ATP6V0A4: variants seen among roughly 807,000 people sequenced by gnomAD.
The protein encoded by ATP6V0A4 is ATPase H+ transporting V0 subunit a4, also known as V-type proton ATPase 116 kDa subunit a 4.
In ATP6V0A4, 86 loss-of-function variants were observed where a neutral mutation model predicts 107.3. The observed-to-expected ratio is 0.80, with a 90% CI of 0.67 to 0.96. The LOEUF (loss-of-function observed/expected upper bound fraction) is 0.96. Ranked by LOEUF, ATP6V0A4 falls within the 40% of genes least tolerant of loss-of-function variation. The pLI, the probability that ATP6V0A4 is intolerant of heterozygous loss-of-function variation, is 0.00. For synonymous variants in ATP6V0A4, 353 were observed against 381.4 expected (o/e 0.93, Z 0.87); for missense variants, 908 against 1,045.6 (o/e 0.87, Z 1.81).
chr7:138,717,909 G>GGAAA (rs1804132875), intron 19 of ATP6V0A4, among the ~76,000 whole-genome samples: 1 of 70,934 alleles, frequency 1.4e-5, no homozygotes. Context: ...CTCTGTCTCG[G>GGAAA]AAAAAAAAAA....
Position 138,709,640 on chromosome 7 carries a change from C to T in ATP6V0A4, c.2413G>A (p.Ala805Thr), listed in dbSNP as rs369999617. 2.0e-5 allele frequency: 33 copies of T among 1,612,552 alleles called. No homozygotes were observed. The highest frequency in any genetic ancestry group is 5.3e-5 in the African/African-American group (4 of 74,804). ...IMEGLSAFLH[A>T]LRLHWVEFQN... ...CATCCTTACCAGTGCAGTCGCAGGGCGTGCAGGAAAGCAGAGAGGCCCTCC... is the reference window on the plus strand; with the variant it reads ...CATCCTTACCAGTGCAGTCGCAGGGTGTGCAGGAAAGCAGAGAGGCCCTCC... The change falls in exon 21 of 22, where the codon GCC (alanine) becomes ACC (threonine). Residue 805 changes from alanine (A) to threonine (T), a missense_variant. By Grantham distance (58) the Ala-to-Thr change is moderately conservative (BLOSUM62 0). Transcript: ENST00000310018.
Position 138,709,746 on chromosome 7 carries a change from C to T in ATP6V0A4, c.2307G>A (p.Thr769=), listed in dbSNP as rs61747677. 5,820 of 1,614,032 alleles carry T rather than the reference C, an allele frequency of 3.6e-3. 113 individuals carry two copies. The highest frequency in any genetic ancestry group is 0.035 in the African/African-American group (2,594 of 75,018). ...CCCCGACGATTCCTCCCCAGCCTCGCGTCTGAAGGCCGCTGTTCATCACCA... is the reference window on the plus strand; with the variant it reads ...CCCCGACGATTCCTCCCCAGCCTCGTGTCTGAAGGCCGCTGTTCATCACCA... ...WTMVMNSGLQ[T]RGWGGIVGVF... Residue 769 remains threonine (T), a synonymous_variant, in exon 21 of 22, where the codon ACG becomes ACA. Coordinates refer to ENST00000310018, the MANE Select transcript of ATP6V0A4 (RefSeq NM_020632.3).
chr7:138,768,052 G>A (rs1320386412), intron 5 of ATP6V0A4, among the ~76,000 whole-genome samples: 1 of 152,160 alleles, frequency 6.6e-6, no homozygotes, highest in Non-Finnish European at 1.5e-5. Flanking sequence ...TCGTGCCTCA[G>A]CCTCCCAAGT....
At chr7:138,763,144 G>C in intron 5 of ATP6V0A4, 119 bp from the exon 6 acceptor site, 1 of 1,450,880 alleles carries the variant, frequency 6.9e-7, no homozygotes, top group East Asian at 2.5e-5. Context: ...CATGATTGCA[G>C]ACCCTAATAC....
At chr7:138,736,110 A>AT (rs1364420802) in intron 15 of ATP6V0A4, among the ~76,000 whole-genome samples, 4 of 151,656 alleles carry the variant, frequency 2.6e-5, no homozygotes, top group African/African-American at 9.7e-5. Context: ...CCAGCATGGC[A>AT]TGGCACGTGC....
At position 138,759,772 on chromosome 7, in the gene ATP6V0A4, G is replaced by A. The variant is rs747161565; in HGVS notation, c.619C>T (p.Pro207Ser). The change falls in exon 8 of 22, where the codon CCT becomes TCT. Residue 207 changes from proline (P) to serine (S), a missense_variant. Physicochemically the swap from Pro to Ser is moderately conservative, Grantham distance 74 (BLOSUM62 -1). Coordinates refer to ENST00000310018, the MANE Select transcript of ATP6V0A4 (RefSeq NM_020632.3). ...VYLKFSEMDA[P>S]LEDPVTKEEI... is the part of the protein sequence containing the mutation. ...CCCACCGTCACAGGATCCTCCAGAG[G>A]GGCGTCCATCTCACTGAACTTCAAG... 10 of 1,614,002 alleles carry A rather than the reference G, an allele frequency of 6.2e-6. No individual in the cohort carries two copies. The African/African-American group carries it at 1.3e-4, about 22-fold the overall frequency.
In ATP6V0A4 at chr7:138,746,018, A is replaced by AATATATATTATAAATAT. The variant is rs1158653800; in HGVS notation, c.1321-739_1321-738insATATTTATAATATATAT. Among the ~76,000 whole-genome samples, 66 of 139,346 alleles carry AATATATATTATAAATAT rather than the reference A, an allele frequency of 4.7e-4. 1 individual carries two copies. Among genetic ancestry groups the AATATATATTATAAATAT allele is most frequent in the Middle Eastern group, 7.2e-3 (2 of 276 alleles). The allele number at this position is 139,346 out of a possible 152,430, so 91.4% of individuals were successfully genotyped here. On this transcript the variant is annotated intron_variant, in intron 13 of 21. Transcript: ENST00000310018. ...AAATATAAATAATATATATATTTAT[A>AATATATATTATAAATAT]ACATAATATATATTTATAATATATA...
At chr7:138,714,941 C>A (rs1202440410) in intron 20 of ATP6V0A4, among the ~76,000 whole-genome samples, 1 of 152,162 alleles carries the variant, frequency 6.6e-6, no homozygotes, top group Non-Finnish European at 1.5e-5. Context: ...TGGATATGCC[C>A]AATGTCATCA....
intron 1 of ATP6V0A4, among the ~76,000 whole-genome samples, chr7:138,796,788 C>T (rs755033171): frequency 2.0e-5 from 3 of 152,136 alleles, no homozygotes; most frequent in Non-Finnish European, 4.4e-5. Context: ...GTTTGGTTCC[C>T]TGCTGCACTG....
chr7:138,734,870 GCTC>G (rs1398487638), intron 15 of ATP6V0A4, among the ~76,000 whole-genome samples: 2 of 151,360 alleles, frequency 1.3e-5, no homozygotes, highest in African/African-American at 4.9e-5. Flanking sequence ...ATGGCCTATA[GCTC>G]ATTGGCCCAT....
chr7:138,715,606 C>G (rs553897825), intron 20 of ATP6V0A4, among the ~76,000 whole-genome samples, 158 bp downstream of exon 20: 1 of 152,286 alleles, frequency 6.6e-6, no homozygotes, highest in African/African-American at 2.4e-5. Context: ...GCAGCCAGAC[C>G]CACAGAAAAG....
chr7:138,749,117 C>T, intron 12 of ATP6V0A4, 50 bp downstream of exon 12: 1 of 1,609,954 alleles, frequency 6.2e-7, no homozygotes. Context: ...GTCCATCTTA[C>T]CAGTTTTCAC....
Position 138,739,594 on chromosome 7 carries a change from G to A in ATP6V0A4, c.1518C>T (p.Asp506=). Residue 506 remains aspartate (D), a synonymous_variant, in exon 15 of 22, where the codon GAC becomes GAT. Coordinates refer to ENST00000310018, the MANE Select transcript of ATP6V0A4 (RefSeq NM_020632.3). ...VMEESLYLQL[D]PAIPGVYFGN... is the part of the protein sequence containing the mutation. Reference sequence around the variant, plus strand: ...CAAAATACACTCCTGGTATGGCTGGGTCCAGCTGCAGATATAGACTTTCCT... The same window carrying A: ...CAAAATACACTCCTGGTATGGCTGGATCCAGCTGCAGATATAGACTTTCCT... 6.2e-7 allele frequency: 1 copy of A among 1,614,150 alleles called. No individual in the cohort carries two copies. The highest frequency in any genetic ancestry group is 1.1e-5 in the South Asian group (1 of 91,078).
chr7:138,725,318 A>T (rs544000935), intron 18 of ATP6V0A4, among the ~76,000 whole-genome samples: 14 of 152,302 alleles, frequency 9.2e-5, no homozygotes, highest in Admixed American at 6.5e-4. Context: ...AAAGATATAT[A>T]CAAGGATGTT....
At chr7:138,794,679 A>G (rs939322647) in intron 1 of ATP6V0A4, among the ~76,000 whole-genome samples, 11 of 152,064 alleles carry the variant, frequency 7.2e-5, no homozygotes, top group African/African-American at 2.4e-4. Context: ...AAAAGTCTTG[A>G]GAAAGTCTAG....
chr7:138,714,579 CAGA>C lies in ATP6V0A4; in HGVS notation c.2257+1182_2257+1184del, dbSNP rs1414315544. On this transcript the variant is annotated intron_variant, in intron 20 of 21. Coordinates refer to ENST00000310018, the MANE Select transcript of ATP6V0A4 (RefSeq NM_020632.3). Reference sequence around the variant, plus strand: ...ATAGATAGACAGACAGACAGACAGACAGACAGGCAGATGATAGATAGATAGATA... The same window carrying C: ...ATAGATAGACAGACAGACAGACAGACCAGGCAGATGATAGATAGATAGATA... Among the ~76,000 whole-genome samples the C allele has an allele frequency of 8.9e-3, 1,357 of 152,172 alleles. 27 individuals are homozygous for C. Among genetic ancestry groups the C allele is most frequent in the African/African-American group, 0.031 (1,302 of 41,512 alleles).
At chr7:138,783,553 T>C (rs1183765768) in intron 2 of ATP6V0A4, among the ~76,000 whole-genome samples, 1 of 151,812 alleles carries the variant, frequency 6.6e-6, no homozygotes, top group Non-Finnish European at 1.5e-5. Flanking sequence ...TAGTGAGAAA[T>C]CATCTCTACG....
At chr7:138,797,824 G>T (rs1012000169) in intron 1 of ATP6V0A4, 1 of 547,224 alleles carries the variant, frequency 1.8e-6, no homozygotes, top group Non-Finnish European at 3.3e-6. Context: ...TCTCAATAAG[G>T]ACAATATTTG....
intron 1 of ATP6V0A4, among the ~76,000 whole-genome samples, chr7:138,795,873 T>C (rs1808634788): frequency 1.3e-5 from 2 of 152,206 alleles, no homozygotes; most frequent in African/African-American, 4.8e-5. Context: ...CAGGCTGGTC[T>C]TGAACTCCCT....
Sources: gnomAD v4.1 joint callset for allele counts (sites outside exome capture counted in the v4.1 genomes callset) on GRCh38, gnomAD v4.1.1 for gene constraint, MANE v1.5 for transcripts, NCBI Gene and HGNC (gene_info 2026-07-23, HGNC 2026-07-21) for gene names.